The following KRABD4 variants were observed in gnomAD, a reference collection of about 807,000 sequenced individuals.
KRABD4 encodes the protein KRAB domain-containing protein 4.
At chrX:46,449,075 C>A in the KRABD4 span, among the ~76,000 whole-genome samples, 1 of 112,245 alleles carries the variant, frequency 8.9e-6, no homozygotes, top group African/African-American at 3.2e-5. Context: ...ATGATTGTTG[C>A]AGTATGCAAT....
chrX:46,452,037 C>T, the KRABD4 span, among the ~76,000 whole-genome samples: 9 of 112,128 alleles, frequency 8.0e-5, no homozygotes, highest in African/African-American at 2.9e-4. Flanking sequence ...CCTCCGCCTC[C>T]CAGACTCAAC....
the KRABD4 span, among the ~76,000 whole-genome samples, chrX:46,466,129 G>C: frequency 1.8e-5 from 2 of 111,706 alleles, no homozygotes; most frequent in Admixed American, 1.9e-4. Context: ...AAACTGTCCA[G>C]TCTCATGTAG....
the KRABD4 span, chrX:46,455,275 T>G: frequency 4.7e-6 from 4 of 844,911 alleles, no homozygotes; most frequent in Admixed American, 1.1e-4. Flanking sequence ...CTTCTGTCTT[T>G]CTTTGTCTTC....
At chrX:46,462,343 G>T in the KRABD4 span, 6 of 187,903 alleles carry the variant, frequency 3.2e-5, no homozygotes, top group African/African-American at 1.8e-4. Context: ...AACTCCGTCT[G>T]TACTAACAAT....
chrX:46,471,691 C>G, the KRABD4 span, among the ~76,000 whole-genome samples: 6 of 112,029 alleles, frequency 5.4e-5, no homozygotes, highest in Non-Finnish European at 9.4e-5. Flanking sequence ...TATAGTTTTG[C>G]CTTTTCTAGA....
At chrX:46,460,271 G>C in the KRABD4 span, among the ~76,000 whole-genome samples, 1 of 111,173 alleles carries the variant, frequency 9.0e-6, no homozygotes. Flanking sequence ...AATACAGTTA[G>C]CCGGGTGTGG....
the KRABD4 span, chrX:46,462,527 G>C: frequency 2.1e-6 from 1 of 482,682 alleles, no homozygotes; most frequent in Non-Finnish European, 3.3e-6. Context: ...AAAAAAGAAA[G>C]AAAGGCCATT....
chrX:46,463,150 A>C, the KRABD4 span: 2 of 1,172,168 alleles, frequency 1.7e-6, no homozygotes, highest in Non-Finnish European at 2.3e-6. Context: ...TAGGTTCTGG[A>C]ATTCCTCAGC....
chrX:46,459,325 GAA>G, the KRABD4 span, among the ~76,000 whole-genome samples: 30 of 94,606 alleles, frequency 3.2e-4, no homozygotes, highest in Middle Eastern at 5.2e-3. Flanking sequence ...AAAAAAAAAA[GAA>G]AAAAAAAAAA....
the KRABD4 span, among the ~76,000 whole-genome samples, chrX:46,450,809 T>C: frequency 9.4e-6 from 1 of 106,585 alleles, no homozygotes; most frequent in Non-Finnish European, 1.9e-5. Context: ...TTCAAGCGAT[T>C]CTCCTGCCTC....
chrX:46,449,496 C>T, the KRABD4 span, among the ~76,000 whole-genome samples: 1 of 112,074 alleles, frequency 8.9e-6, no homozygotes, highest in Non-Finnish European at 1.9e-5. Flanking sequence ...TGAGAAAATG[C>T]AAATAAAAGA....
the KRABD4 span, chrX:46,471,204 T>C: frequency 8.7e-7 from 1 of 1,143,423 alleles, no homozygotes; most frequent in South Asian, 2.0e-5. Context: ...ACTTTTAGGA[T>C]TGTTATTTCT....
At chrX:46,464,565 T>C in the KRABD4 span, among the ~76,000 whole-genome samples, 1 of 112,270 alleles carries the variant, frequency 8.9e-6, no homozygotes, top group Non-Finnish European at 1.9e-5. Context: ...GTGCTGGCAT[T>C]TGTGGCTCCC....
chrX:46,460,935 G>A, the KRABD4 span, among the ~76,000 whole-genome samples: 6 of 97,720 alleles, frequency 6.1e-5, no homozygotes, highest in Non-Finnish European at 1.0e-4. Flanking sequence ...TGGTTTTCTG[G>A]TGACCAGCTT....
chrX:46,448,287 CTT>C, the KRABD4 span: 1 of 112,393 alleles, frequency 8.9e-6, no homozygotes, highest in Non-Finnish European at 1.9e-5. Context: ...TCTCAGAAGA[CTT>C]AGGCTGAGGC....
chrX:46,457,075 G>A, the KRABD4 span: 6 of 365,918 alleles, frequency 1.6e-5, no homozygotes, highest in Admixed American at 8.9e-5. Context: ...TTGTCCCTCC[G>A]TGGCGCATTT....
At chrX:46,468,479 G>C in the KRABD4 span, among the ~76,000 whole-genome samples, 1 of 110,580 alleles carries the variant, frequency 9.0e-6, no homozygotes. Flanking sequence ...AGTGAGCCAA[G>C]ACCGCACTGC....
chrX:46,455,222 AT>A, the KRABD4 span: 1 of 1,095,854 alleles, frequency 9.1e-7, no homozygotes, highest in Non-Finnish European at 1.2e-6. Flanking sequence ...CCCAGCACAG[AT>A]TTTAATTCTT....
chrX:46,465,198 C>A, the KRABD4 span, among the ~76,000 whole-genome samples: 1 of 113,101 alleles, frequency 8.8e-6, no homozygotes. Flanking sequence ...TAGCTAAGTG[C>A]CAGTGGCTCA....
Sources: gnomAD v4.1 joint callset for allele counts (sites outside exome capture counted in the v4.1 genomes callset) on GRCh38, gnomAD v4.1.1 for gene constraint, MANE v1.5 for transcripts, NCBI Gene and HGNC (gene_info 2026-07-23, HGNC 2026-07-21) for gene names.